ADAM29: variants seen among roughly 807,000 people sequenced by gnomAD.
ADAM29 encodes the protein ADAM metallopeptidase domain 29.
For synonymous variants in ADAM29, 367 were observed against 342.3 expected, an observed-to-expected ratio of 1.07 and a Z score of -0.80; for missense variants, 969 against 1,001.8, an observed-to-expected ratio of 0.97 and a Z score of 0.44.
intron 3 of ADAM29, among the ~76,000 whole-genome samples, chr4:174,933,121 T>C: frequency 6.6e-6 from 1 of 152,124 alleles, no homozygotes; most frequent in East Asian, 1.9e-4. Context: ...ATAAATTAGA[T>C]TGGACCATAA....
In ADAM29 at chr4:174,935,958, A is replaced by C. The variant is rs192313173; in HGVS notation, c.-261-975A>C. ...CATAAAAAGTATGCCTCAGATATTA[A>C]CTAAATAGAGTGACCATATAATTTA... On this transcript the variant is annotated intron_variant, in intron 3 of 4. Transcript: ENST00000359240. Among the ~76,000 whole-genome samples, 190 of 152,216 alleles carry C rather than the reference A, an allele frequency of 1.2e-3. 1 individual carries two copies. The highest frequency in any genetic ancestry group is 4.3e-3 in the African/African-American group (177 of 41,576).
chr4:174,940,095 G>A (rs1744443151), intron 4 of ADAM29, among the ~76,000 whole-genome samples: 1 of 152,002 alleles, frequency 6.6e-6, no homozygotes, highest in Admixed American at 6.6e-5. Context: ...TATATTTCAA[G>A]GCACACTGTT....
At chr4:174,950,330 T>G (rs1015936999) in intron 4 of ADAM29, among the ~76,000 whole-genome samples, 1 of 152,194 alleles carries the variant, frequency 6.6e-6, no homozygotes, top group Non-Finnish European at 1.5e-5. Context: ...AACTAAAGCA[T>G]TCAACACTAA....
intron 2 of ADAM29, among the ~76,000 whole-genome samples, chr4:174,930,417 G>T (rs1034938852): frequency 1.3e-5 from 2 of 152,032 alleles, no homozygotes; most frequent in Non-Finnish European, 2.9e-5. Context: ...TGTGAAAAAG[G>T]CCCTAGCACC....
In ADAM29 at chr4:174,978,180, A is replaced by G. The variant is rs1480624475; in HGVS notation, c.*192A>G. On this transcript the variant is annotated 3_prime_UTR_variant, in exon 5 of 5. Transcript: ENST00000359240. ...GTACATTAAAAAAATAATTCCTAGT[A>G]TGTTTCTACTTACTCTTCATTGTTT... 5.6e-6 allele frequency: 5 copies of G among 900,214 alleles called. No individual in the cohort carries two copies. In the Admixed American group the frequency reaches 1.1e-4, roughly 20 times the overall value. The allele number at this position is 900,214 out of a possible 1,614,324, so 55.8% of individuals were successfully genotyped here. A position where few individuals can be genotyped will look rare whatever the true frequency, so the allele number is the denominator to read the frequency against.
chr4:174,977,730 G>T lies in ADAM29; in HGVS notation c.2205G>T (p.Trp735Cys), dbSNP rs536136241. Residue 735 changes from tryptophan (W) to cysteine (C), a missense_variant, in exon 5 of 5, where the codon TGG becomes TGT. By Grantham distance (215) the Trp-to-Cys change is radical. Transcript: ENST00000359240. ...AGTTACCTCCCCAGAGTCAACCTTG[G>T]GTGATGCCTTCCCAGAGTCAACCTC... ...PHELPPQSQP[W>C]VMPSQSQPPV... 1.9e-6 allele frequency: 3 copies of T among 1,604,402 alleles called. No homozygotes were observed. The highest frequency in any genetic ancestry group is 2.6e-6 in the Non-Finnish European group (3 of 1,171,964).
At chr4:174,943,330 C>G (rs548836765) in intron 4 of ADAM29, among the ~76,000 whole-genome samples, 7 of 152,278 alleles carry the variant, frequency 4.6e-5, no homozygotes, top group Admixed American at 4.6e-4. Flanking sequence ...ACCTCACTTC[C>G]AGTAGCAATT....
intron 1 of ADAM29, among the ~76,000 whole-genome samples, chr4:174,919,291 T>G (rs898249887): frequency 3.9e-5 from 6 of 152,316 alleles, no homozygotes; most frequent in African/African-American, 1.4e-4. Flanking sequence ...ATTTTTCTAG[T>G]TAGTAACCAG....
chr4:174,959,504 T>C lies in ADAM29; in HGVS notation c.-180-15842T>C, dbSNP rs186136370. On this transcript the variant is annotated intron_variant, in intron 4 of 4. Coordinates refer to ENST00000359240, the MANE Select transcript of ADAM29 (RefSeq NM_014269.4). ...GTGTGTTTGTGTGTTTGTGTGTGTC[T>C]GAATGAAATATTTACCCTGCTTGGT... Among the ~76,000 whole-genome samples, 275 of 151,190 alleles carry C rather than the reference T, an allele frequency of 1.8e-3. 2 individuals are homozygous for C. Among genetic ancestry groups the C allele is most frequent in the African/African-American group, 6.2e-3 (257 of 41,376 alleles).
chr4:174,954,117 G>A (rs1181400097), intron 4 of ADAM29, among the ~76,000 whole-genome samples: 1 of 152,026 alleles, frequency 6.6e-6, no homozygotes, highest in East Asian at 1.9e-4. Context: ...CCTCACAATG[G>A]ATTTCAAAAT....
At chr4:174,945,200 T>C (rs958832239) in intron 4 of ADAM29, among the ~76,000 whole-genome samples, 15 of 152,100 alleles carry the variant, frequency 9.9e-5, no homozygotes, top group African/African-American at 3.6e-4. Flanking sequence ...ATACCCATAC[T>C]GAACATAGTA....
chr4:174,960,111 T>TCA (rs1745724360), intron 4 of ADAM29, among the ~76,000 whole-genome samples: 1 of 152,054 alleles, frequency 6.6e-6, no homozygotes, highest in Non-Finnish European at 1.5e-5. Context: ...TATAATATTT[T>TCA]CTTATTAACA....
chr4:174,932,889 T>C (rs1249694654), intron 3 of ADAM29, among the ~76,000 whole-genome samples: 1 of 152,116 alleles, frequency 6.6e-6, no homozygotes, highest in African/African-American at 2.4e-5. Flanking sequence ...TAAGACTTAT[T>C]GTGTGTTCAT....
chr4:174,930,672 T>A (rs1743810654), intron 2 of ADAM29, among the ~76,000 whole-genome samples: 1 of 152,194 alleles, frequency 6.6e-6, no homozygotes, highest in Non-Finnish European at 1.5e-5. Context: ...ACTCTTTTTT[T>A]TAAATGACTC....
At chr4:174,972,492 AG>A (rs2111105058) in intron 4 of ADAM29, among the ~76,000 whole-genome samples, 1 of 152,284 alleles carries the variant, frequency 6.6e-6, no homozygotes, top group Non-Finnish European at 1.5e-5. Context: ...CTTTTATCCC[AG>A]GTGTCTAGAC....
At chr4:174,967,502 A>C (rs1322568349) in intron 4 of ADAM29, among the ~76,000 whole-genome samples, 1 of 149,810 alleles carries the variant, frequency 6.7e-6, no homozygotes, top group South Asian at 2.2e-4. Flanking sequence ...CATTTAATTC[A>C]CATCCTTTAA....
chr4:174,971,869 A>G (rs1485647490), intron 4 of ADAM29, among the ~76,000 whole-genome samples: 2 of 152,142 alleles, frequency 1.3e-5, no homozygotes, highest in East Asian at 1.9e-4. Flanking sequence ...TCAGTTTCTT[A>G]AGTTTTCTCC....
In ADAM29 at chr4:174,976,613, T is replaced by C; in HGVS notation, c.1088T>C (p.Ile363Thr). The C allele has an allele frequency of 6.2e-7, 1 of 1,609,856 alleles. No homozygotes were observed. The highest frequency in any genetic ancestry group is 8.5e-7 in the Non-Finnish European group (1 of 1,177,948). The change falls in exon 5 of 5, where the codon ATA becomes ACA. Residue 363 changes from isoleucine (I) to threonine (T), a missense_variant. Transcript: ENST00000359240. ...RCIMHEGNPP[I>T]TKFSNCSYGD... ...ATAATGCATGAAGGCAACCCACCAA[T>C]AACTAAATTTAGCAATTGTAGTTAT...
chr4:174,966,210 A>AT (rs961798825), intron 4 of ADAM29, among the ~76,000 whole-genome samples: 2 of 151,996 alleles, frequency 1.3e-5, no homozygotes, highest in Admixed American at 6.6e-5. Context: ...TACAGATGCA[A>AT]TTTTTTTTCA....
Sources: gnomAD v4.1 joint callset for allele counts (sites outside exome capture counted in the v4.1 genomes callset) on GRCh38, gnomAD v4.1.1 for gene constraint, MANE v1.5 for transcripts, NCBI Gene and HGNC (gene_info 2026-07-23, HGNC 2026-07-21) for gene names.